RYR2: variants seen among roughly 807,000 people sequenced by gnomAD.
RYR2 encodes the protein cardiac muscle ryanodine receptor-calcium release channel.
Under a neutral mutation model 601.1 loss-of-function variants are expected in RYR2, and 227 were observed. That is an observed-to-expected ratio of 0.38 (90% CI 0.34 to 0.42). The LOEUF is 0.42. Ranked by LOEUF, RYR2 falls within the 10% of genes least tolerant of loss-of-function variation. The probability of loss-of-function intolerance (pLI) is 1.00; values close to 1 mark genes in which losing one functional copy is unlikely to be tolerated. For missense variants in RYR2, 4,646 were observed against 6,156.5 expected, an observed-to-expected ratio of 0.75 and a Z score of 8.21; for synonymous variants, 2,223 against 2,175.1, an observed-to-expected ratio of 1.02 and a Z score of -0.61.
intron 1 of RYR2, among the ~76,000 whole-genome samples, chr1:237,234,122 T>A (rs1425593603): frequency 6.6e-6 from 1 of 152,200 alleles, no homozygotes; most frequent in Admixed American, 6.5e-5. Context: ...ATGGAGTATG[T>A]GTTTTCCTTG....
intron 1 of RYR2, among the ~76,000 whole-genome samples, chr1:237,052,795 T>C (rs1661453365): frequency 6.6e-6 from 1 of 152,098 alleles, no homozygotes; most frequent in African/African-American, 2.4e-5. Flanking sequence ...CACACACGCA[T>C]TGCATACACA....
At position 237,073,456 on chromosome 1, in the gene RYR2, G is replaced by T. The variant is rs537083016; in HGVS notation, c.48+30887G>T. ...CCGCTGTCCAGTATGGCAGCCACTG[G>T]CCATGTGTGGCTGTTGAATACTTGA... On this transcript the variant is annotated intron_variant, in intron 1 of 104. Transcript: ENST00000366574. Among the ~76,000 whole-genome samples the T allele has an allele frequency of 3.8e-3, 586 of 152,224 alleles. 2 individuals are homozygous for T. Among genetic ancestry groups the T allele is most frequent in the Non-Finnish European group, 6.1e-3 (412 of 68,032 alleles).
intron 37 of RYR2, among the ~76,000 whole-genome samples, chr1:237,617,006 G>T (rs1465671715): frequency 1.3e-5 from 2 of 152,144 alleles, no homozygotes; most frequent in African/African-American, 4.8e-5. Flanking sequence ...CCCCGCCCTT[G>T]ACATGTGGGG....
At chr1:237,715,612 C>T (rs978521998) in intron 71 of RYR2, among the ~76,000 whole-genome samples, 1 of 151,980 alleles carries the variant, frequency 6.6e-6, no homozygotes, top group South Asian at 2.1e-4. Context: ...GCCTATACAA[C>T]CATAAAACCA....
chr1:237,689,672 C>T (rs1686765867), intron 63 of RYR2, among the ~76,000 whole-genome samples: 1 of 151,872 alleles, frequency 6.6e-6, no homozygotes, highest in South Asian at 2.1e-4. Context: ...TATTGGAGAC[C>T]TGGTATGTTT....
At chr1:237,633,514 C>T (rs1051992425) in intron 42 of RYR2, 64 bp from the exon 43 acceptor site, 26 of 1,596,242 alleles carry the variant, frequency 1.6e-5, no homozygotes, top group East Asian at 9.0e-5. Flanking sequence ...GAGACCTCAA[C>T]GTATGAACTC....
At chr1:237,791,294 C>T in intron 92 of RYR2, 135 bp from the exon 93 acceptor site, 1 of 623,756 alleles carries the variant, frequency 1.6e-6, no homozygotes, top group South Asian at 2.0e-5. Flanking sequence ...AGGTCTGCAG[C>T]ACCAAGAATG....
chr1:237,167,348 C>T lies in RYR2; in HGVS notation c.49-103149C>T, dbSNP rs375495337. On this transcript the variant is annotated intron_variant, in intron 1 of 104. Transcript: ENST00000366574. ...AATTTCACATACTGGCTAGATAGAGCGATAGTTATCACATCAAATAGAGTA... is the reference window on the plus strand; with the variant it reads ...AATTTCACATACTGGCTAGATAGAGTGATAGTTATCACATCAAATAGAGTA... 1.4e-4 allele frequency among the ~76,000 whole-genome samples: 22 copies of T among 152,216 alleles called. No individual in the cohort carries two copies. The South Asian group carries it at 3.9e-3, about 27-fold the overall frequency.
At chr1:237,669,291 C>T (rs982763917) in intron 58 of RYR2, among the ~76,000 whole-genome samples, 5 of 152,290 alleles carry the variant, frequency 3.3e-5, no homozygotes, top group South Asian at 4.1e-4. Flanking sequence ...TACACAGACA[C>T]GGCAACCATC....
At chr1:237,091,637 C>CCA (rs1187005258) in intron 1 of RYR2, among the ~76,000 whole-genome samples, 1 of 152,166 alleles carries the variant, frequency 6.6e-6, no homozygotes, top group East Asian at 1.9e-4. Flanking sequence ...GTTGCCCAGG[C>CCA]TGGTCTCGAA....
intron 1 of RYR2, among the ~76,000 whole-genome samples, chr1:237,148,523 A>ATATATATATATATATATATAT (rs1316106371): frequency 2.1e-5 from 1 of 48,286 alleles, no homozygotes; most frequent in Non-Finnish European, 4.5e-5. Context: ...AGTAAAAAAA[A>ATATATATATATATATATATAT]AAAAATATAT....
At chr1:237,599,486 GA>G (rs55679311) in intron 34 of RYR2, among the ~76,000 whole-genome samples, 25,654 of 151,768 alleles carry the variant, frequency 0.17, 2,974 homozygotes, top group East Asian at 0.47. Flanking sequence ...AATGCTCTGA[GA>G]AAAAAAATCA....
intron 1 of RYR2, among the ~76,000 whole-genome samples, chr1:237,226,206 A>G (rs1364589359): frequency 1.3e-5 from 2 of 152,134 alleles, no homozygotes; most frequent in Non-Finnish European, 2.9e-5. Flanking sequence ...GGAAAATTGC[A>G]TGTTGTTAGA....
intron 27 of RYR2, among the ~76,000 whole-genome samples, chr1:237,551,031 A>C (rs369948771): frequency 1.3e-5 from 2 of 152,132 alleles, no homozygotes; most frequent in East Asian, 3.9e-4. Context: ...TTTGGGGAAT[A>C]AGCTTGTAGT....
chr1:237,579,057 A>G (rs1156500110), intron 29 of RYR2, among the ~76,000 whole-genome samples: 1 of 152,168 alleles, frequency 6.6e-6, no homozygotes, highest in Admixed American at 6.5e-5. Flanking sequence ...AAGAAGGCCA[A>G]CCAGTGCCTT....
chr1:237,073,837 C>T (rs1371080658), intron 1 of RYR2, among the ~76,000 whole-genome samples: 4 of 140,596 alleles, frequency 2.8e-5, no homozygotes, highest in African/African-American at 8.0e-5. Context: ...TACCACTGTA[C>T]TCCAGCCTGG....
At chr1:237,082,557 A>AT (rs1558200785) in intron 1 of RYR2, among the ~76,000 whole-genome samples, 1,468 of 109,862 alleles carry the variant, frequency 0.013, 44 homozygotes, top group African/African-American at 0.043. Flanking sequence ...ATATATATAT[A>AT]AAATCGGATA....
chr1:237,502,975 G>A (rs940273283), intron 21 of RYR2, among the ~76,000 whole-genome samples: 2 of 151,946 alleles, frequency 1.3e-5, no homozygotes, highest in South Asian at 2.1e-4. Context: ...CAGTTATTAC[G>A]GACATGCACT....
chr1:237,530,378 T>C (rs774219658), intron 24 of RYR2, 49 bp from the exon 25 acceptor site: 2 of 1,391,976 alleles, frequency 1.4e-6, no homozygotes, highest in East Asian at 2.4e-5. Context: ...TGGGTTATTC[T>C]GGACATAGAG....
Sources: allele counts gnomAD v4.1 joint callset (sites outside exome capture counted in the v4.1 genomes callset), GRCh38; gene constraint gnomAD v4.1.1; transcripts MANE v1.5; gene names NCBI Gene and HGNC (gene_info 2026-07-23, HGNC 2026-07-21).